C12orf42: variants seen among roughly 807,000 people sequenced by gnomAD.
The protein encoded by C12orf42 is uncharacterized protein C12orf42.
In C12orf42, 25 loss-of-function variants were observed where a neutral mutation model predicts 21.6. That is an observed-to-expected ratio of 1.16 (90% CI 0.84 to 1.62). The LOEUF is 1.62. Ranked by LOEUF, C12orf42 falls within the 40% of genes most tolerant of loss-of-function variation. The pLI, the probability that C12orf42 is intolerant of heterozygous loss-of-function variation, is 0.00. For synonymous variants in C12orf42, 174 were observed against 175.0 expected, an observed-to-expected ratio of 0.99 and a Z score of 0.05; for missense variants, 483 against 459.3, an observed-to-expected ratio of 1.05 and a Z score of -0.47.
chr12:103,434,740 G>A (rs1950539888), intron 2 of C12orf42, among the ~76,000 whole-genome samples: 1 of 152,214 alleles, frequency 6.6e-6, no homozygotes. Context: ...CACCTGGCTT[G>A]GAGGGTCCTA....
chr12:103,253,533 G>A (rs2034409346), intron 10 of C12orf42, among the ~76,000 whole-genome samples: 1 of 152,070 alleles, frequency 6.6e-6, no homozygotes, highest in Admixed American at 6.5e-5. Flanking sequence ...TCCCTTGTAA[G>A]TTGTATCCCT....
chr12:103,269,230 T>C (rs2035320026), intron 6 of C12orf42, among the ~76,000 whole-genome samples: 2 of 152,120 alleles, frequency 1.3e-5, no homozygotes, highest in African/African-American at 4.8e-5. Context: ...TGAGGTCAAA[T>C]TTAAAAATTA....
the C12orf42 span, among the ~76,000 whole-genome samples, chr12:103,545,614 A>C: frequency 3.3e-5 from 5 of 152,232 alleles, no homozygotes; most frequent in African/African-American, 9.6e-5. Flanking sequence ...CAAAGACTAA[A>C]ATGTAACAGA....
chr12:103,202,885 T>TCA, the C12orf42 span, among the ~76,000 whole-genome samples: 2 of 152,216 alleles, frequency 1.3e-5, no homozygotes, highest in Non-Finnish European at 2.9e-5. Context: ...ACTAATCAGG[T>TCA]ACACCTGTAT....
chr12:103,523,060 A>C, the C12orf42 span, among the ~76,000 whole-genome samples: 1 of 152,246 alleles, frequency 6.6e-6, no homozygotes, highest in African/African-American at 2.4e-5. Flanking sequence ...CTGAAGAGCC[A>C]TCTCTGTGCA....
At chr12:103,146,807 C>T in the C12orf42 span, among the ~76,000 whole-genome samples, 4 of 151,962 alleles carry the variant, frequency 2.6e-5, no homozygotes, top group African/African-American at 7.3e-5. Context: ...CACATTTTTC[C>T]CCAAAGATTA....
At chr12:103,162,217 C>A in the C12orf42 span, among the ~76,000 whole-genome samples, 4 of 152,304 alleles carry the variant, frequency 2.6e-5, no homozygotes, top group Admixed American at 2.0e-4. Flanking sequence ...GGTAAAGAGG[C>A]AGCACTTTTT....
At chr12:103,294,503 AAGAAAAAG>A (rs1460005982) in intron 4 of C12orf42, among the ~76,000 whole-genome samples, 1 of 150,656 alleles carries the variant, frequency 6.6e-6, no homozygotes, top group Non-Finnish European at 1.5e-5. Context: ...GAAAGAAAGA[AAGAAAAAG>A]AAAGGAAGAA....
At chr12:103,515,398 A>C in the C12orf42 span, among the ~76,000 whole-genome samples, 28 of 152,374 alleles carry the variant, frequency 1.8e-4, no homozygotes, top group East Asian at 5.4e-3. Flanking sequence ...GGAAGACTTC[A>C]AAATTGTTTT....
At chr12:103,414,737 T>C (rs762535018) in intron 2 of C12orf42, among the ~76,000 whole-genome samples, 27 of 152,334 alleles carry the variant, frequency 1.8e-4, no homozygotes, top group African/African-American at 2.4e-4. Context: ...TTTTTATACA[T>C]TAACTTTGCA....
chr12:103,154,442 C>T, the C12orf42 span, among the ~76,000 whole-genome samples: 12 of 152,302 alleles, frequency 7.9e-5, no homozygotes, highest in African/African-American at 2.6e-4. Flanking sequence ...AAGAAGCCAG[C>T]TCATCCACAC....
At chr12:103,511,489 G>T in the C12orf42 span, among the ~76,000 whole-genome samples, 4 of 151,944 alleles carry the variant, frequency 2.6e-5, no homozygotes, top group East Asian at 7.7e-4. Context: ...AAATGTTCTT[G>T]TACTATAAAA....
the C12orf42 span, among the ~76,000 whole-genome samples, chr12:103,522,977 C>T: frequency 6.6e-6 from 1 of 152,312 alleles, no homozygotes; most frequent in East Asian, 1.9e-4. Flanking sequence ...GTCTAGCAGG[C>T]TCTGTGGCTA....
At chr12:103,197,255 T>C in the C12orf42 span, among the ~76,000 whole-genome samples, 3 of 152,236 alleles carry the variant, frequency 2.0e-5, no homozygotes, top group Non-Finnish European at 2.9e-5. Flanking sequence ...TAATCTGTTC[T>C]GGCTTGTACA....
chr12:103,157,821 C>G, the C12orf42 span, among the ~76,000 whole-genome samples: 97 of 152,168 alleles, frequency 6.4e-4, no homozygotes, highest in African/African-American at 2.3e-3. Flanking sequence ...AAATATTACA[C>G]TCCAATAAAA....
the C12orf42 span, among the ~76,000 whole-genome samples, chr12:103,048,392 A>C: frequency 1.3e-5 from 2 of 152,138 alleles, no homozygotes; most frequent in Non-Finnish European, 2.9e-5. Flanking sequence ...ACAATGCATA[A>C]AAGATTTAGC....
the C12orf42 span, among the ~76,000 whole-genome samples, chr12:103,092,272 G>C: frequency 5.3e-5 from 8 of 152,152 alleles, no homozygotes; most frequent in African/African-American, 1.9e-4. Flanking sequence ...GATGTTCCGG[G>C]GGATATGCTT....
the C12orf42 span, among the ~76,000 whole-genome samples, chr12:103,527,312 G>T: frequency 6.6e-6 from 1 of 152,142 alleles, no homozygotes; most frequent in African/African-American, 2.4e-5. Flanking sequence ...AAAGACTACA[G>T]AATGACAAGA....
the C12orf42 span, among the ~76,000 whole-genome samples, chr12:103,061,697 T>C: frequency 3.9e-5 from 6 of 152,010 alleles, no homozygotes; most frequent in Non-Finnish European, 8.8e-5. Flanking sequence ...ATATCAGCTT[T>C]CTTTGGTTAG....
Sources: allele counts gnomAD v4.1 joint callset (sites outside exome capture counted in the v4.1 genomes callset), GRCh38; gene constraint gnomAD v4.1.1; transcripts MANE v1.5; gene names NCBI Gene and HGNC (gene_info 2026-07-23, HGNC 2026-07-21).